Variants in DSC3 observed in about 807,000 individuals in gnomAD.
DSC3 encodes the protein desmocollin 3, also known as desmocollin-3.
In DSC3, 97 loss-of-function variants were observed where a neutral mutation model predicts 89.5. The observed-to-expected ratio is 1.08, with a 90% CI of 0.92 to 1.28. DSC3 has a LOEUF of 1.28. Among genes scored for constraint, DSC3 ranks in the 50% most tolerant of loss-of-function variants. DSC3 has a pLI of 0.00. For missense variants in DSC3, 1,199 were observed against 1,085.3 expected, an observed-to-expected ratio of 1.10 and a Z score of -1.47; for synonymous variants, 436 against 384.1, an observed-to-expected ratio of 1.14 and a Z score of -1.58.
intron 6 of DSC3, among the ~76,000 whole-genome samples, chr18:31,024,122 C>A (rs1233664170): frequency 6.6e-6 from 1 of 151,952 alleles, no homozygotes; most frequent in Admixed American, 6.6e-5. Context: ...CTGTTAGCTC[C>A]CTTTACAGTT....
intron 9 of DSC3, among the ~76,000 whole-genome samples, chr18:31,012,296 G>T (rs1443652929): frequency 5.3e-5 from 8 of 152,192 alleles, no homozygotes; most frequent in Non-Finnish European, 1.2e-4. Context: ...AATTAAGGTT[G>T]CAAGAAGAGA....
intron 9 of DSC3, among the ~76,000 whole-genome samples, chr18:31,013,372 A>C (rs571749254): frequency 1.3e-5 from 2 of 152,268 alleles, no homozygotes; most frequent in African/African-American, 2.4e-5. Flanking sequence ...GAAGAATTTC[A>C]GATAAAATGC....
At chr18:31,033,957 G>T (rs993791821) in intron 1 of DSC3, among the ~76,000 whole-genome samples, 3 of 152,130 alleles carry the variant, frequency 2.0e-5, no homozygotes, top group African/African-American at 7.2e-5. Flanking sequence ...CGGAGTAGCT[G>T]GGACTACAGG....
intron 7 of DSC3, among the ~76,000 whole-genome samples, chr18:31,021,497 G>A (rs942076809): frequency 2.6e-5 from 4 of 152,008 alleles, no homozygotes; most frequent in Admixed American, 2.6e-4. Context: ...ATCTCTCCCT[G>A]TTTCTTTGGC....
chr18:31,009,937 T>G (rs967534230), intron 9 of DSC3, among the ~76,000 whole-genome samples: 2 of 152,232 alleles, frequency 1.3e-5, no homozygotes, highest in African/African-American at 4.8e-5. Flanking sequence ...AAATCAATCT[T>G]TGACTAAAAT....
intron 15 of DSC3, among the ~76,000 whole-genome samples, chr18:30,996,046 A>G (rs1984454289): frequency 6.7e-6 from 1 of 149,622 alleles, no homozygotes; most frequent in Admixed American, 6.7e-5. Context: ...TTTGGTATGA[A>G]CAGAGAATTC....
At chr18:30,996,460 T>C (rs1238251318) in intron 15 of DSC3, among the ~76,000 whole-genome samples, 2 of 152,162 alleles carry the variant, frequency 1.3e-5, no homozygotes, top group Non-Finnish European at 2.9e-5. Context: ...TTTGAAAAGT[T>C]TGTAATTGTG....
chr18:30,998,423 T>C (rs1984547056), intron 14 of DSC3, among the ~76,000 whole-genome samples: 1 of 152,072 alleles, frequency 6.6e-6, no homozygotes, highest in Admixed American at 6.5e-5. Context: ...CAACTAAAGT[T>C]TGAACATGGT....
At chr18:31,001,477 G>A (rs1215807211) in intron 14 of DSC3, 141 bp downstream of exon 14, 2 of 932,140 alleles carry the variant, frequency 2.1e-6, no homozygotes, top group South Asian at 3.6e-5. Flanking sequence ...ATAAACATAT[G>A]AATATTGACA....
Position 31,011,540 on chromosome 18 carries a change from C to T in DSC3, c.1264-3015G>A, listed in dbSNP as rs139403921. Among the ~76,000 whole-genome samples the T allele has an allele frequency of 2.2e-3, 329 of 152,174 alleles. 1 individual carries two copies. Among genetic ancestry groups the T allele is most frequent in the Middle Eastern group, 6.8e-3 (2 of 294 alleles). ...ACCAGGGCATTGGAAGAGGAGGATT[C>T]CTTTAGAGTTAACAACATAGTGATG... On this transcript the variant is annotated intron_variant, in intron 9 of 15. Transcript: ENST00000360428.
rs1984365760 is a variant in DSC3 at position 30,994,047 on chromosome 18, G to A, written c.*128C>T. The A allele has an allele frequency of 1.1e-6, 1 of 899,554 alleles. No homozygotes were observed. Among genetic ancestry groups the A allele is most frequent in the African/African-American group, 1.7e-5 (1 of 59,418 alleles). 55.7% of individuals were successfully genotyped at this position (899,554 alleles called of 1,614,324 possible). A position where few individuals can be genotyped will look rare whatever the true frequency, so the allele number is the denominator to read the frequency against. On this transcript the variant is annotated 3_prime_UTR_variant, in exon 16 of 16. Coordinates refer to ENST00000360428, the MANE Select transcript of DSC3 (RefSeq NM_001941.5). Reference sequence around the variant, plus strand: ...ACAACTTGCTTTAAAAATATAAATTGGTGAGTAGCATAATTCAAAATTGAG... The same window carrying A: ...ACAACTTGCTTTAAAAATATAAATTAGTGAGTAGCATAATTCAAAATTGAG...
At chr18:31,016,325 A>C (rs185006678) in intron 9 of DSC3, among the ~76,000 whole-genome samples, 1 of 152,068 alleles carries the variant, frequency 6.6e-6, no homozygotes, top group African/African-American at 2.4e-5. Context: ...ACTTTACTCT[A>C]CTGTCTTGCT....
At chr18:31,038,145 T>C (rs189798785) in intron 1 of DSC3, among the ~76,000 whole-genome samples, 1 of 152,348 alleles carries the variant, frequency 6.6e-6, no homozygotes, top group Non-Finnish European at 1.5e-5. Flanking sequence ...TTTCAATTTA[T>C]CTCATTTCAC....
intron 1 of DSC3, among the ~76,000 whole-genome samples, chr18:31,034,217 C>A (rs78064931): frequency 0.048 from 7,228 of 151,990 alleles, 251 homozygotes; most frequent in Non-Finnish European, 0.065. Context: ...CACAGAAAAA[C>A]GGGCAGAGGA....
intron 1 of DSC3, among the ~76,000 whole-genome samples, chr18:31,032,595 TGC>T (rs1567961696): frequency 0.02 from 2,296 of 112,340 alleles, 30 homozygotes; most frequent in Middle Eastern, 0.041. Context: ...TGTGTGCGTG[TGC>T]GTGTGCGTGT....
At chr18:31,041,762 C>A (rs948833655) in intron 1 of DSC3, among the ~76,000 whole-genome samples, 1 of 152,184 alleles carries the variant, frequency 6.6e-6, no homozygotes, top group African/African-American at 2.4e-5. Context: ...AGGATTTCGT[C>A]CTGGGCGGCA....
At chr18:31,032,168 A>G in intron 2 of DSC3, 24 bp downstream of exon 2, 2 of 1,555,536 alleles carry the variant, frequency 1.3e-6, no homozygotes, top group Non-Finnish European at 1.8e-6. Flanking sequence ...TTTCTGCTTT[A>G]AAAAGACTTT....
chr18:31,007,640 C>T (rs1984899574), intron 11 of DSC3, among the ~76,000 whole-genome samples: 1 of 152,062 alleles, frequency 6.6e-6, no homozygotes, highest in African/African-American at 2.4e-5. Context: ...GAACAGAATT[C>T]AAGAAAAGGA....
intron 2 of DSC3, 53 bp from the exon 3 acceptor site, chr18:31,031,225 C>A (rs1164281912): frequency 3.3e-6 from 4 of 1,210,826 alleles, no homozygotes; most frequent in Non-Finnish European, 4.7e-6. Context: ...GAAAAAAAAA[C>A]GTGTTAAAAT....
Sources: gnomAD v4.1 joint callset for allele counts (sites outside exome capture counted in the v4.1 genomes callset) on GRCh38, gnomAD v4.1.1 for gene constraint, MANE v1.5 for transcripts, NCBI Gene and HGNC (gene_info 2026-07-23, HGNC 2026-07-21) for gene names.